The following DAPK2 variants were observed in gnomAD, a reference collection of about 807,000 sequenced individuals.
DAPK2 encodes the protein death-associated protein kinase 2.
DAPK2 carries 35 observed loss-of-function variants against 44.1 expected under a neutral mutation model. The observed-to-expected ratio is 0.79, with a 90% confidence interval of 0.61 to 1.05. DAPK2 has a LOEUF of 1.05. Ranked by LOEUF, DAPK2 falls within the 50% of genes least tolerant of loss-of-function variation. DAPK2 has a pLI of 0.00. For missense variants in DAPK2, 453 were observed against 483.2 expected (o/e 0.94, Z 0.59); for synonymous variants, 174 against 182.6 (o/e 0.95, Z 0.38).
chr15:63,929,931 C>G, intron 5 of DAPK2: 1 of 456,470 alleles, frequency 2.2e-6, no homozygotes, highest in African/African-American at 2.0e-5. Context: ...TTTTAGAAAA[C>G]CAGGTAACAA....
At chr15:64,002,102 G>A (rs1428877771) in intron 1 of DAPK2, among the ~76,000 whole-genome samples, 1 of 152,196 alleles carries the variant, frequency 6.6e-6, no homozygotes, top group East Asian at 1.9e-4. Flanking sequence ...GGAGGCTCAT[G>A]GGGACAGGTA....
At chr15:63,930,508 A>T in intron 4 of DAPK2, 53 bp from the exon 6 acceptor site, 2 of 1,576,908 alleles carry the variant, frequency 1.3e-6, no homozygotes, top group Non-Finnish European at 1.7e-6. Flanking sequence ...GAGAGGAGAG[A>T]TGGTTTTAGG....
intron 1 of DAPK2, among the ~76,000 whole-genome samples, chr15:64,023,773 C>T (rs560869153): frequency 5.9e-5 from 9 of 152,272 alleles, no homozygotes; most frequent in South Asian, 2.1e-4. Context: ...CCACGTGCCA[C>T]GCTATGTCCC....
At position 63,955,420 on chromosome 15, in the gene DAPK2, C is replaced by T. The variant is rs555289959; in HGVS notation, c.453+16003G>A. 2.0e-5 allele frequency among the ~76,000 whole-genome samples: 3 copies of T among 152,232 alleles called. No individual in the cohort carries two copies. The South Asian group carries it at 6.2e-4, about 32-fold the overall frequency. Reference sequence around the variant, plus strand: ...TCTGTTGGTATAATGCATCAATGTTCATCAAGGATATGGTCCATAGTTTTC... The same window carrying T: ...TCTGTTGGTATAATGCATCAATGTTTATCAAGGATATGGTCCATAGTTTTC... On this transcript the variant is annotated intron_variant, in intron 3 of 10. Transcript: ENST00000261891.
upstream of DAPK2, chr15:64,046,410 T>C: frequency 3.0e-6 from 1 of 338,510 alleles, no homozygotes; most frequent in South Asian, 1.5e-4. This position sits in a 1 kb window ranked among gnomAD's most constrained non-coding sequence, Gnocchi z 5.3. Flanking sequence ...CGCGGCGGGG[T>C]GCGCTGGGCT....
chr15:64,045,150 C>T (rs532314467), upstream of DAPK2, among the ~76,000 whole-genome samples: 165 of 152,298 alleles, frequency 1.1e-3, 2 homozygotes, highest in South Asian at 0.027. Context: ...TGGGCAGGGT[C>T]AGTGCGGGTC....
intron 4 of DAPK2, among the ~76,000 whole-genome samples, chr15:63,933,635 G>C (rs563503833): frequency 2.8e-4 from 38 of 135,786 alleles, no homozygotes; most frequent in African/African-American, 1.0e-3. Flanking sequence ...GTCTTGCTTA[G>C]TCACCCAGGC....
chr15:63,970,489 C>T (rs113223489), intron 3 of DAPK2, among the ~76,000 whole-genome samples: 2,250 of 152,308 alleles, frequency 0.015, 31 homozygotes, highest in Non-Finnish European at 0.024. Context: ...AGCCTCCCCA[C>T]CCACCCTGGG....
At chr15:63,978,941 C>T (rs1331966425) in intron 2 of DAPK2, among the ~76,000 whole-genome samples, 1 of 152,220 alleles carries the variant, frequency 6.6e-6, no homozygotes, top group Non-Finnish European at 1.5e-5. Context: ...GAATGACCTG[C>T]ACAGGCAGCG....
rs140183018 is a variant in DAPK2 at position 64,030,672 on chromosome 15, T to A, written c.92+9498A>T. On this transcript the variant is annotated intron_variant, in intron 1 of 10. Transcript: ENST00000261891. ...ACCACCCTGAGCCCTGGGCCTTTACTAGAATAGATGACCTCTGAAGAATCT... is the reference window on the plus strand; with the variant it reads ...ACCACCCTGAGCCCTGGGCCTTTACAAGAATAGATGACCTCTGAAGAATCT... Among the ~76,000 whole-genome samples, 992 of 152,126 alleles carry A rather than the reference T, an allele frequency of 6.5e-3. 12 individuals are homozygous for A. The highest frequency in any genetic ancestry group is 0.023 in the African/African-American group (957 of 41,472).
intron 1 of DAPK2, among the ~76,000 whole-genome samples, chr15:64,000,306 T>C (rs2079052492): frequency 6.6e-6 from 1 of 152,120 alleles, no homozygotes; most frequent in East Asian, 1.9e-4. Flanking sequence ...CCGCTTTTAC[T>C]GGGGCCTGCT....
chr15:64,015,208 A>G (rs2079492576), intron 1 of DAPK2, among the ~76,000 whole-genome samples: 1 of 152,218 alleles, frequency 6.6e-6, no homozygotes, highest in Non-Finnish European at 1.5e-5. Flanking sequence ...GGGCCCTGCC[A>G]TGCCAAGGAC....
intron 3 of DAPK2, among the ~76,000 whole-genome samples, chr15:63,954,146 C>A (rs906233315): frequency 6.6e-6 from 1 of 152,090 alleles, no homozygotes; most frequent in African/African-American, 2.4e-5. Context: ...TGTGCAGAAG[C>A]TTTTTAACTT....
intron 3 of DAPK2, among the ~76,000 whole-genome samples, chr15:63,970,540 T>C (rs913130554): frequency 7.9e-5 from 12 of 152,018 alleles, no homozygotes; most frequent in Admixed American, 6.6e-4. Flanking sequence ...GGTTTTTCTA[T>C]CTCCTACACT....
At chr15:63,971,635 G>C (rs1248755746) in intron 2 of DAPK2, 74 bp from the exon 4 acceptor site, 10 of 1,529,760 alleles carry the variant, frequency 6.5e-6, no homozygotes, top group Non-Finnish European at 8.9e-6. Flanking sequence ...GGGCTGATAG[G>C]GGCAAGCCCT....
At chr15:64,033,287 G>GGGAAGGGGGAA (rs2080077787) in intron 1 of DAPK2, among the ~76,000 whole-genome samples, 2 of 51,176 alleles carry the variant, frequency 3.9e-5, no homozygotes, top group African/African-American at 1.2e-4. Flanking sequence ...AGGGGGAAGG[G>GGGAAGGGGGAA]GGAAGGAAGG....
chr15:63,991,744 A>G (rs1158608279), intron 1 of DAPK2, among the ~76,000 whole-genome samples: 1 of 152,222 alleles, frequency 6.6e-6, no homozygotes, highest in African/African-American at 2.4e-5. Flanking sequence ...TGAAAATGAA[A>G]AACAGAACAT....
rs182929989 is a variant in DAPK2 at position 63,930,954 on chromosome 15, G to A, written c.584-499C>T. 5.4e-3 allele frequency among the ~76,000 whole-genome samples: 818 copies of A among 152,188 alleles called. 7 individuals are homozygous for A. Among genetic ancestry groups the A allele is most frequent in the Non-Finnish European group, 9.4e-3 (640 of 67,992 alleles). On this transcript the variant is annotated intron_variant, in intron 4 of 10. Transcript: ENST00000261891. ...CACATGTCTGCAGTCCCAGGTACTTGGGAAGAGGCTGAGGTGGGAGGATTG... is the reference window on the plus strand; with the variant it reads ...CACATGTCTGCAGTCCCAGGTACTTAGGAAGAGGCTGAGGTGGGAGGATTG...
intron 2 of DAPK2, among the ~76,000 whole-genome samples, chr15:63,978,886 T>C (rs2078427334): frequency 6.6e-6 from 1 of 152,206 alleles, no homozygotes; most frequent in Non-Finnish European, 1.5e-5. Context: ...CAGGGTGGCA[T>C]GCCTGCTGGA....
Sources: allele counts gnomAD v4.1 joint callset (sites outside exome capture counted in the v4.1 genomes callset), GRCh38; gene constraint gnomAD v4.1.1; non-coding constraint Gnocchi (gnomAD v3.1); transcripts MANE v1.5; gene names NCBI Gene and HGNC (gene_info 2026-07-23, HGNC 2026-07-21).